SAMMSON: variants seen among roughly 807,000 people sequenced by gnomAD.
SAMMSON encodes the protein long intergenic non-protein coding RNA 1212.
chr3:70,045,120 T>C (rs1405109477), intron 3 of SAMMSON, among the ~76,000 whole-genome samples: 3 of 87,358 alleles, frequency 3.4e-5, no homozygotes, highest in African/African-American at 6.4e-5. Context: ...TTTATATATA[T>C]TAATTATAAT....
intron 3 of SAMMSON, among the ~76,000 whole-genome samples, chr3:70,044,187 G>A (rs1039798753): frequency 6.6e-6 from 1 of 151,956 alleles, no homozygotes; most frequent in South Asian, 2.1e-4. Context: ...ACTAATTAAT[G>A]CCAAGTGTAT....
chr3:70,004,658 A>C (rs1401956975), intron 1 of SAMMSON, among the ~76,000 whole-genome samples: 5 of 152,216 alleles, frequency 3.3e-5, no homozygotes, highest in Non-Finnish European at 7.3e-5. Flanking sequence ...TGAAAATTTC[A>C]AATTAAAATT....
intron 6 of SAMMSON, among the ~76,000 whole-genome samples, chr3:70,287,649 G>T (rs934556637): frequency 6.6e-6 from 1 of 151,712 alleles, no homozygotes; most frequent in Non-Finnish European, 1.5e-5. Context: ...GTTCCTCCTT[G>T]TACCTCTGGT....
intron 4 of SAMMSON, among the ~76,000 whole-genome samples, chr3:70,180,030 GCGCA>G (rs1559529136): frequency 2.0e-5 from 3 of 150,930 alleles, no homozygotes; most frequent in East Asian, 2.0e-4. Context: ...GTGTGTGTGC[GCGCA>G]CGTGTGTGTG....
At chr3:70,241,564 G>A (rs144250656) in intron 4 of SAMMSON, among the ~76,000 whole-genome samples, 1 of 152,130 alleles carries the variant, frequency 6.6e-6, no homozygotes, top group Non-Finnish European at 1.5e-5. Context: ...AGGTATTCTT[G>A]TTAGTATTTT....
At chr3:70,265,059 A>G (rs1257549373) in intron 6 of SAMMSON, among the ~76,000 whole-genome samples, 1 of 152,174 alleles carries the variant, frequency 6.6e-6, no homozygotes, top group Admixed American at 6.5e-5. Flanking sequence ...ATTCACTATC[A>G]CAAGAACAGC....
rs1231269569 is a variant in SAMMSON at position 70,007,744 on chromosome 3, T to C, written n.23-4613T>C. ...CCCATGCCTATGTCCTGAATGGTAT[T>C]GCTTAGATTTTCTTCTAGGGTTTTT... is the stretch of plus-strand genomic sequence containing the variant. On this transcript the variant is annotated intron_variant and non_coding_transcript_variant, in intron 1 of 9. Coordinates refer to ENST00000642114, the Ensembl canonical transcript of SAMMSON. Among the ~76,000 whole-genome samples, 5 of 152,306 alleles carry C rather than the reference T, an allele frequency of 3.3e-5. No individual in the cohort carries two copies. The East Asian group carries it at 9.7e-4, about 29-fold the overall frequency.
At chr3:70,031,014 A>T (rs2067063574) in intron 3 of SAMMSON, among the ~76,000 whole-genome samples, 2 of 152,198 alleles carry the variant, frequency 1.3e-5, no homozygotes, top group African/African-American at 4.8e-5. Flanking sequence ...ACATAGATTT[A>T]CTATGTGGTC....
At chr3:70,176,996 A>T (rs936004691) in intron 4 of SAMMSON, among the ~76,000 whole-genome samples, 4 of 152,180 alleles carry the variant, frequency 2.6e-5, no homozygotes, top group African/African-American at 4.8e-5. Context: ...TTGCTTTAAG[A>T]GCTAAGGACG....
intron 4 of SAMMSON, among the ~76,000 whole-genome samples, chr3:70,152,775 T>A (rs1207665476): frequency 6.6e-6 from 1 of 152,016 alleles, no homozygotes; most frequent in Non-Finnish European, 1.5e-5. Flanking sequence ...GAGTAGAAGG[T>A]ATTGCTTCAT....
intron 3 of SAMMSON, among the ~76,000 whole-genome samples, chr3:70,027,190 A>G (rs2067044348): frequency 1.3e-5 from 2 of 152,210 alleles, no homozygotes; most frequent in South Asian, 4.1e-4. Context: ...TGTCCTATTT[A>G]GACAAAGTAA....
intron 9 of SAMMSON, among the ~76,000 whole-genome samples, chr3:70,376,344 G>A (rs1703014399): frequency 6.6e-6 from 1 of 152,170 alleles, no homozygotes; most frequent in Admixed American, 6.5e-5. Context: ...AGACATTTAT[G>A]ATATGCTGGA....
intron 4 of SAMMSON, among the ~76,000 whole-genome samples, chr3:70,080,722 T>TC (rs1319571749): frequency 6.6e-6 from 1 of 152,146 alleles, no homozygotes; most frequent in East Asian, 1.9e-4. Context: ...ATAATTTTTT[T>TC]CCTTCCATTG....
intron 6 of SAMMSON, among the ~76,000 whole-genome samples, chr3:70,268,252 C>T (rs1335060436): frequency 6.6e-6 from 1 of 152,044 alleles, no homozygotes; most frequent in Non-Finnish European, 1.5e-5. Flanking sequence ...AGGCAGATTG[C>T]CTGAGCGCAG....
At chr3:70,316,742 ACAGCTAACAC>A (rs1361829884) in intron 7 of SAMMSON, among the ~76,000 whole-genome samples, 1 of 152,114 alleles carries the variant, frequency 6.6e-6, no homozygotes, top group African/African-American at 2.4e-5. Context: ...GGAGAAGGTT[ACAGCTAACAC>A]CACAAGGCAT....
At chr3:70,015,770 G>A (rs2066981638) in intron 3 of SAMMSON, among the ~76,000 whole-genome samples, 2 of 151,990 alleles carry the variant, frequency 1.3e-5, no homozygotes. Context: ...GTGTCCAAGT[G>A]TTCTCATTGT....
At chr3:70,379,192 T>G (rs921241250) in intron 9 of SAMMSON, among the ~76,000 whole-genome samples, 4 of 151,984 alleles carry the variant, frequency 2.6e-5, no homozygotes, top group Non-Finnish European at 5.9e-5. Context: ...TTTTGTATTT[T>G]TAGTAGAGAA....
chr3:70,117,749 C>G lies in SAMMSON; in HGVS notation n.507+46184C>G, dbSNP rs555888162. On this transcript the variant is annotated intron_variant and non_coding_transcript_variant, in intron 4 of 9. Coordinates refer to ENST00000642114, the Ensembl canonical transcript of SAMMSON. ...GTCCTGATCTCAATTTAGATACCTG[C>G]TTGGTCCACAGTGCAACTTGATAAT... Among the ~76,000 whole-genome samples, 216 of 152,196 alleles carry G rather than the reference C, an allele frequency of 1.4e-3. 1 individual carries two copies. The highest frequency in any genetic ancestry group is 5.0e-3 in the African/African-American group (207 of 41,536).
At chr3:70,313,786 A>G (rs1702475659) in intron 7 of SAMMSON, among the ~76,000 whole-genome samples, 2 of 152,042 alleles carry the variant, frequency 1.3e-5, no homozygotes, top group African/African-American at 2.4e-5. Flanking sequence ...TCATCAGCCA[A>G]TTTTCTTACT....
Sources: gnomAD v4.1 joint callset for allele counts (sites outside exome capture counted in the v4.1 genomes callset) on GRCh38, gnomAD v4.1.1 for gene constraint, MANE v1.5 for transcripts, NCBI Gene and HGNC (gene_info 2026-07-23, HGNC 2026-07-21) for gene names.